SIN3A: variants seen among roughly 807,000 people sequenced by gnomAD.
SIN3A encodes the protein SIN3 transcription regulator family member A.
In SIN3A, 14 loss-of-function variants were observed where a neutral mutation model predicts 146.1. The ratio of observed to expected loss-of-function variants is 0.10; its 90% CI spans 0.06 to 0.15. The LOEUF (loss-of-function observed/expected upper bound fraction) is 0.15, where lower values mean the gene tolerates loss of function less well. Ranked by LOEUF, SIN3A falls within the 10% of genes least tolerant of loss-of-function variation. The pLI is 1.00. For missense variants in SIN3A, 1,028 were observed against 1,576.0 expected, an observed-to-expected ratio of 0.65 and a Z score of 5.89; for synonymous variants, 572 against 572.0, an observed-to-expected ratio of 1.00 and a Z score of 0.00.
chr15:75,422,903 T>C (rs1050548993), intron 2 of SIN3A, 80 bp from the exon 3 acceptor site: 2 of 1,415,492 alleles, frequency 1.4e-6, no homozygotes, highest in African/African-American at 1.4e-5. Flanking sequence ...CTAACACAAA[T>C]GCACAAAGAT....
intron 1 of SIN3A, among the ~76,000 whole-genome samples, chr15:75,432,884 A>C (rs1488935902): frequency 6.6e-6 from 1 of 151,922 alleles, no homozygotes. Flanking sequence ...CTCTACTAAA[A>C]ATACAAAATT....
At chr15:75,400,994 C>T (rs1319856456) in intron 10 of SIN3A, 54 bp from the exon 11 acceptor site, 11 of 1,276,254 alleles carry the variant, frequency 8.6e-6, no homozygotes, top group African/African-American at 1.5e-5. Context: ...TGCAGTTATC[C>T]TGAGGTATGA....
chr15:75,414,510 G>A (rs572474044), intron 3 of SIN3A, among the ~76,000 whole-genome samples, 199 bp from the exon 4 acceptor site: 2 of 152,210 alleles, frequency 1.3e-5, no homozygotes, highest in South Asian at 4.1e-4. Context: ...CATAAAATCT[G>A]TAGCCTTGCC....
At chr15:75,412,206 CAT>C (rs1040736460) in intron 5 of SIN3A, among the ~76,000 whole-genome samples, 1 of 152,214 alleles carries the variant, frequency 6.6e-6, no homozygotes, top group Admixed American at 6.5e-5. Context: ...CCACCAGCCA[CAT>C]GAGGTTACTG....
intron 19 of SIN3A, among the ~76,000 whole-genome samples, chr15:75,379,766 C>A (rs1291585364): frequency 6.6e-6 from 1 of 152,182 alleles, no homozygotes; most frequent in East Asian, 1.9e-4. Flanking sequence ...GCCATTCTAC[C>A]CATTTTATAC....
At chr15:75,439,839 G>T (rs2074171598) in intron 1 of SIN3A, among the ~76,000 whole-genome samples, 1 of 151,722 alleles carries the variant, frequency 6.6e-6, no homozygotes, top group South Asian at 2.1e-4. Context: ...ATACCATAAT[G>T]CTCATTAAAT....
chr15:75,408,763 G>C (rs1595905559), intron 8 of SIN3A, among the ~76,000 whole-genome samples: 1 of 152,214 alleles, frequency 6.6e-6, no homozygotes, highest in African/African-American at 2.4e-5. Flanking sequence ...ACCCAACAAA[G>C]AACTTTGAGC....
chr15:75,393,613 T>C (rs2073249693), intron 14 of SIN3A, among the ~76,000 whole-genome samples: 1 of 152,144 alleles, frequency 6.6e-6, no homozygotes, highest in African/African-American at 2.4e-5. Context: ...GGCCTCAAGT[T>C]ATCTGTCCAC....
intron 1 of SIN3A, among the ~76,000 whole-genome samples, chr15:75,434,416 G>A (rs970883762): frequency 5.3e-5 from 8 of 152,136 alleles, no homozygotes; most frequent in Admixed American, 3.3e-4. Context: ...TTGGGAGGCC[G>A]AGGCAGGCGG....
At chr15:75,376,496 G>C (rs1333312823) in intron 19 of SIN3A, 2 of 153,028 alleles carry the variant, frequency 1.3e-5, no homozygotes, top group African/African-American at 4.8e-5. Flanking sequence ...TGGTAGGCTT[G>C]CTAAATCTCA....
At chr15:75,410,973 C>T (rs546712015) in intron 6 of SIN3A, among the ~76,000 whole-genome samples, 38 of 98,184 alleles carry the variant, frequency 3.9e-4, no homozygotes, top group African/African-American at 1.8e-3. Context: ...AAAACTCTGT[C>T]TCAAAAAAAA....
chr15:75,412,780 G>C lies in SIN3A; in HGVS notation c.739C>G (p.Pro247Ala). 1 of 1,588,876 alleles carries C rather than the reference G, an allele frequency of 6.3e-7. No homozygotes were observed. ...GTGCTCACCTTGCTGACTTTGGCAG[G>C]TGGGGGCTGAGGAGCTGGCTGGGCA... is the stretch of plus-strand genomic sequence containing the variant. ...APAQPAPQPP[P>A]AKVSKPSQLQ... Residue 247 changes from proline to alanine, a missense_variant, in exon 5 of 21, where the codon CCT becomes GCT. Pro to Ala is a conservative substitution (Grantham distance 27). Transcript: ENST00000394947.
chr15:75,428,347 A>T (rs1316386683), intron 2 of SIN3A, among the ~76,000 whole-genome samples: 2 of 152,134 alleles, frequency 1.3e-5, no homozygotes, highest in African/African-American at 4.8e-5. Flanking sequence ...AGGGTCTTGC[A>T]CTGTTGTCCA....
intron 1 of SIN3A, among the ~76,000 whole-genome samples, chr15:75,434,491 A>C (rs1277008566): frequency 6.6e-6 from 1 of 152,030 alleles, no homozygotes; most frequent in African/African-American, 2.4e-5. Context: ...CTCTACTAAA[A>C]ATACAAAAAT....
intron 15 of SIN3A, 81 bp downstream of exon 15, chr15:75,392,161 A>G: frequency 8.0e-7 from 1 of 1,244,496 alleles, no homozygotes; most frequent in Non-Finnish European, 1.1e-6. Flanking sequence ...TCTATTAATA[A>G]AAGAAGCAGT....
intron 2 of SIN3A, among the ~76,000 whole-genome samples, chr15:75,427,199 C>G (rs1011209462): frequency 6.6e-6 from 1 of 151,836 alleles, no homozygotes; most frequent in African/African-American, 2.4e-5. Flanking sequence ...ATGGCAAAAC[C>G]CTGTCTCTAC....
Position 75,430,326 on chromosome 15 carries a change from T to G in SIN3A, c.50A>C (p.Gln17Pro). Reference sequence around the variant, plus strand: ...CTCTGTGCTGCCAGGGATCCGACGCTGCTGGGCTGCATACACCGGTGACTC... The same window carrying G: ...CTCTGTGCTGCCAGGGATCCGACGCGGCTGGGCTGCATACACCGGTGACTC... ...DQESPVYAAQ[Q>P]RRIPGSTEAF... Residue 17 changes from glutamine (Q) to proline (P), a missense_variant, in exon 2 of 21, where the codon CAG becomes CCG. By Grantham distance (76) the Gln-to-Pro change is moderately conservative (BLOSUM62 -1). This residue lies in a region of SIN3A where 152 missense variants were observed against 231.5 expected (regional missense o/e 0.66). Transcript: ENST00000394947. The G allele has an allele frequency of 5.0e-6, 8 of 1,614,150 alleles. No homozygotes were observed. Among genetic ancestry groups the G allele is most frequent in the Non-Finnish European group, 6.8e-6 (8 of 1,180,020 alleles).
At chr15:75,373,317 G>T (rs1595884344) in intron 20 of SIN3A, among the ~76,000 whole-genome samples, 1 of 152,190 alleles carries the variant, frequency 6.6e-6, no homozygotes, top group African/African-American at 2.4e-5. Context: ...AGTGGAGGAT[G>T]CAGTGAGCTG....
At chr15:75,445,380 C>CAAAAAAAA (rs10539996) in intron 1 of SIN3A, among the ~76,000 whole-genome samples, 2 of 63,608 alleles carry the variant, frequency 3.1e-5, no homozygotes. Flanking sequence ...GACACTGTCT[C>CAAAAAAAA]AAAAAAAAAA....
Sources: allele counts gnomAD v4.1 joint callset (sites outside exome capture counted in the v4.1 genomes callset), GRCh38; gene constraint gnomAD v4.1.1; regional missense constraint gnomAD v4.1.1; transcripts MANE v1.5; gene names NCBI Gene and HGNC (gene_info 2026-07-23, HGNC 2026-07-21).